The following MECOM variants were observed in gnomAD, a reference collection of about 807,000 sequenced individuals.
MECOM encodes MDS1 and EVI1 complex locus.
A neutral mutation model predicts 116.3 loss-of-function variants in MECOM; 13 were observed. That is an observed-to-expected ratio of 0.11 (90% confidence interval 0.07 to 0.18). The LOEUF (loss-of-function observed/expected upper bound fraction) is 0.18. MECOM is among the 10% of genes least tolerant of loss of function. The probability of loss-of-function intolerance (pLI) is 1.00; values close to 1 mark genes in which losing one functional copy is unlikely to be tolerated. For synonymous variants in MECOM, 528 were observed against 535.2 expected, an observed-to-expected ratio of 0.99 and a Z score of 0.19; for missense variants, 1,299 against 1,509.0, an observed-to-expected ratio of 0.86 and a Z score of 2.31.
chr3:169,511,609 C>A (rs982647222), intron 1 of MECOM, among the ~76,000 whole-genome samples: 1 of 152,034 alleles, frequency 6.6e-6, no homozygotes, highest in Non-Finnish European at 1.5e-5. Context: ...TTTAAAAATA[C>A]GAAAATTAGC....
chr3:169,115,832 C>G lies in MECOM; in HGVS notation c.2040G>C (p.Gly680=). The G allele has an allele frequency of 6.2e-7, 1 of 1,614,054 alleles. No homozygotes were observed. The highest frequency in any genetic ancestry group is 8.5e-7 in the Non-Finnish European group (1 of 1,180,026). Residue 680 remains glycine, a synonymous_variant, in exon 8 of 17, where the codon GGG becomes GGC. Transcript: ENST00000651503. ...EKYFGSTGLV[G]LQDKKVGALP... ...AAGCTCCAACTTTTTTGTCTTGCAGCCCCACCAGTCCTGTTGAACCAAAGT... is the reference window on the plus strand; with the variant it reads ...AAGCTCCAACTTTTTTGTCTTGCAGGCCCACCAGTCCTGTTGAACCAAAGT...
At chr3:169,481,233 T>A (rs1247781134) in intron 1 of MECOM, among the ~76,000 whole-genome samples, 1 of 152,142 alleles carries the variant, frequency 6.6e-6, no homozygotes, top group Non-Finnish European at 1.5e-5. Flanking sequence ...TATCTTGGCA[T>A]GTTAGGTTAT....
In MECOM at chr3:169,655,367, A is replaced by G. The variant is rs1161014063; in HGVS notation, c.37+7969T>C. On this transcript the variant is annotated intron_variant, in intron 1 of 16. Coordinates refer to ENST00000651503, the MANE Select transcript of MECOM (RefSeq NM_004991.4). Reference sequence around the variant, plus strand: ...GCTCTAGTCTAATCCATTCATTTAAAGAGGAGCAACCCAGCTGCAGTAGTA... The same window carrying G: ...GCTCTAGTCTAATCCATTCATTTAAGGAGGAGCAACCCAGCTGCAGTAGTA... 2.6e-5 allele frequency among the ~76,000 whole-genome samples: 4 copies of G among 152,366 alleles called. No homozygotes were observed. The East Asian group carries it at 7.7e-4, about 29-fold the overall frequency.
chr3:169,288,336 T>C (rs1713799871), intron 2 of MECOM, among the ~76,000 whole-genome samples: 1 of 151,696 alleles, frequency 6.6e-6, no homozygotes. Context: ...CTGATACAAA[T>C]CATTGCTACA....
chr3:169,341,735 C>T (rs1577780743), intron 2 of MECOM, among the ~76,000 whole-genome samples: 1 of 68,528 alleles, frequency 1.5e-5, no homozygotes, highest in African/African-American at 1.0e-4. Context: ...GTGAGACTCC[C>T]TCTCAAAAAA....
chr3:169,662,969 G>A (rs1451483742), intron 1 of MECOM, among the ~76,000 whole-genome samples: 5 of 151,024 alleles, frequency 3.3e-5, no homozygotes, highest in African/African-American at 1.2e-4. Flanking sequence ...GAGGGGAGGG[G>A]GAGACTTTCT....
intron 2 of MECOM, among the ~76,000 whole-genome samples, chr3:169,338,820 T>C (rs1345151000): frequency 1.3e-5 from 2 of 151,842 alleles, no homozygotes; most frequent in African/African-American, 4.8e-5. Flanking sequence ...GATTATGTTA[T>C]TTTTTGTCTT....
intron 1 of MECOM, among the ~76,000 whole-genome samples, chr3:169,595,311 A>G (rs542667145): frequency 1.3e-5 from 2 of 152,342 alleles, no homozygotes; most frequent in East Asian, 3.9e-4. Flanking sequence ...CTACCCACCA[A>G]CGACTACCTA....
chr3:169,487,728 A>G (rs1752573002), intron 1 of MECOM, among the ~76,000 whole-genome samples: 1 of 140,920 alleles, frequency 7.1e-6, no homozygotes, highest in African/African-American at 2.6e-5. Flanking sequence ...GGACAAATTT[A>G]TTTAAGAAAC....
chr3:169,494,839 G>A (rs1339446694), intron 1 of MECOM, among the ~76,000 whole-genome samples: 2 of 152,148 alleles, frequency 1.3e-5, no homozygotes, highest in African/African-American at 4.8e-5. Context: ...CTATTAAACT[G>A]TTTCAGCCAT....
chr3:169,297,326 T>C (rs1417970443), intron 2 of MECOM, among the ~76,000 whole-genome samples: 1 of 152,224 alleles, frequency 6.6e-6, no homozygotes, highest in Non-Finnish European at 1.5e-5. Flanking sequence ...CTTTTGATAC[T>C]CCTGAGGTAA....
At chr3:169,479,195 G>A (rs914812912) in intron 1 of MECOM, among the ~76,000 whole-genome samples, 2 of 151,932 alleles carry the variant, frequency 1.3e-5, no homozygotes, top group African/African-American at 2.4e-5. Context: ...TCTAACATAC[G>A]CTAGGGTCTC....
chr3:169,602,192 T>C (rs996439148), intron 1 of MECOM, among the ~76,000 whole-genome samples: 1 of 152,204 alleles, frequency 6.6e-6, no homozygotes, highest in Non-Finnish European at 1.5e-5. Flanking sequence ...TGATATTTGG[T>C]AGATGGATAT....
At chr3:169,649,972 C>G (rs73032041) in intron 1 of MECOM, among the ~76,000 whole-genome samples, 4 of 152,262 alleles carry the variant, frequency 2.6e-5, no homozygotes, top group Middle Eastern at 3.4e-3. Context: ...ATTTTTGTAA[C>G]CTTCTGTGTA....
chr3:169,112,899 G>T (rs372073290), intron 8 of MECOM, 25 bp from the exon 9 acceptor site: 13 of 1,539,060 alleles, frequency 8.4e-6, no homozygotes, highest in African/African-American at 1.4e-5. Context: ...TTAGATTTTG[G>T]AGATGAAGCA....
intron 2 of MECOM, among the ~76,000 whole-genome samples, chr3:169,374,130 T>C (rs988064715): frequency 1.3e-5 from 2 of 151,668 alleles, no homozygotes; most frequent in African/African-American, 4.8e-5. Context: ...GAGCTTGTTC[T>C]CTCTCTCTCC....
intron 1 of MECOM, among the ~76,000 whole-genome samples, chr3:169,454,282 T>C (rs1325796611): frequency 6.6e-6 from 1 of 151,754 alleles, no homozygotes; most frequent in Non-Finnish European, 1.5e-5. Flanking sequence ...TTGAAATCCC[T>C]AATGGTTTTG....
At position 169,381,456 on chromosome 3, in the gene MECOM, C is replaced by A. The variant is rs781351398; in HGVS notation, c.106G>T (p.Ala36Ser). 3.7e-6 allele frequency: 6 copies of A among 1,613,484 alleles called. No individual in the cohort carries two copies. Among genetic ancestry groups the A allele is most frequent in the Non-Finnish European group, 4.2e-6 (5 of 1,179,734 alleles). The change falls in exon 2 of 17, where the codon GCC (alanine) becomes TCC (serine). Residue 36 changes from alanine (A) to serine (S), a missense_variant. By Grantham distance (99) the Ala-to-Ser change is moderately conservative. Transcript: ENST00000651503. Reference sequence around the variant, plus strand: ...TGAATATTGAGGGAGGGAGTGCTGGCTACTCCATCTGCATCTGGCATTTCT... The same window carrying A: ...TGAATATTGAGGGAGGGAGTGCTGGATACTCCATCTGCATCTGGCATTTCT... ...LEEMPDADGV[A>S]STPSLNIQEP...
intron 1 of MECOM, among the ~76,000 whole-genome samples, chr3:169,441,713 ACTTCTTCTTCT>A (rs1743707500): frequency 6.8e-6 from 1 of 146,642 alleles, no homozygotes; most frequent in African/African-American, 2.5e-5. Flanking sequence ...GCTATGTTAC[ACTTCTTCTTCT>A]CTTCTTTTTT....
Sources: allele counts gnomAD v4.1 joint callset (sites outside exome capture counted in the v4.1 genomes callset), GRCh38; gene constraint gnomAD v4.1.1; transcripts MANE v1.5; gene names NCBI Gene and HGNC (gene_info 2026-07-23, HGNC 2026-07-21).